CSMD1: variants seen among roughly 807,000 people sequenced by gnomAD.
The protein encoded by CSMD1 is CUB and sushi domain-containing protein 1.
A neutral mutation model predicts 417.5 loss-of-function variants in CSMD1; 213 were observed. The observed-to-expected ratio is 0.51, with a 90% CI of 0.46 to 0.57. The LOEUF is 0.57. CSMD1 is among the 20% of genes least tolerant of loss of function. The pLI, the probability that CSMD1 is intolerant of heterozygous loss-of-function variation, is 0.00. For synonymous variants in CSMD1, 2,862 were observed against 1,736.8 expected, an observed-to-expected ratio of 1.65 and a Z score of -16.11; for missense variants, 6,923 against 4,529.7, an observed-to-expected ratio of 1.53 and a Z score of -15.17.
chr8:4,271,587 G>C (rs1804599660), intron 3 of CSMD1, among the ~76,000 whole-genome samples: 3 of 150,818 alleles, frequency 2.0e-5, no homozygotes, highest in South Asian at 4.2e-4. Flanking sequence ...AAAAGGCAAA[G>C]AAAATCTCAG....
chr8:3,804,151 C>T (rs952438607), intron 5 of CSMD1, among the ~76,000 whole-genome samples: 1 of 151,956 alleles, frequency 6.6e-6, no homozygotes, highest in East Asian at 1.9e-4. Flanking sequence ...AGGCTGGTCT[C>T]GAACTCCCGA....
chr8:3,607,550 G>A (rs1801678962), intron 8 of CSMD1, among the ~76,000 whole-genome samples: 1 of 152,166 alleles, frequency 6.6e-6, no homozygotes, highest in African/African-American at 2.4e-5. Context: ...AAACATGTGA[G>A]GACTGCTCTG....
At chr8:3,578,411 G>A (rs1018356767) in intron 9 of CSMD1, among the ~76,000 whole-genome samples, 17 of 152,122 alleles carry the variant, frequency 1.1e-4, no homozygotes, top group African/African-American at 3.4e-4. Flanking sequence ...AGCAGCCTGC[G>A]AGGCAGGAAG....
At chr8:3,494,577 TAG>T (rs1563092069) in intron 10 of CSMD1, among the ~76,000 whole-genome samples, 2 of 149,574 alleles carry the variant, frequency 1.3e-5, no homozygotes, top group African/African-American at 5.1e-5. Flanking sequence ...GATAGATAGA[TAG>T]ATAGATAGAT....
intron 12 of CSMD1, among the ~76,000 whole-genome samples, chr8:3,423,533 TC>T (rs1355021395): frequency 6.6e-5 from 10 of 152,188 alleles, no homozygotes; most frequent in Non-Finnish European, 1.2e-4. Context: ...TGCTCAATGG[TC>T]CTCCACTGTG....
At chr8:3,322,636 G>A (rs1806226004) in intron 23 of CSMD1, among the ~76,000 whole-genome samples, 1 of 152,144 alleles carries the variant, frequency 6.6e-6, no homozygotes. Context: ...AAGTTGTAGG[G>A]ACGCCCCTGG....
intron 3 of CSMD1, among the ~76,000 whole-genome samples, chr8:4,286,664 C>A (rs1797072615): frequency 6.6e-6 from 1 of 152,182 alleles, no homozygotes; most frequent in Non-Finnish European, 1.5e-5. Context: ...GGATAGCAAT[C>A]ATACTGATTT....
chr8:3,857,537 A>G (rs1484556782), intron 5 of CSMD1, among the ~76,000 whole-genome samples: 6 of 152,166 alleles, frequency 3.9e-5, no homozygotes, highest in Non-Finnish European at 7.4e-5. Context: ...ATATTACTCC[A>G]CTGGAAATGG....
At chr8:4,244,933 C>A (rs963922866) in intron 3 of CSMD1, among the ~76,000 whole-genome samples, 2 of 152,108 alleles carry the variant, frequency 1.3e-5, no homozygotes, top group African/African-American at 2.4e-5. Flanking sequence ...TTTGTCATCA[C>A]CATTGCTTGA....
At chr8:4,242,720 C>CA (rs11425054) in intron 3 of CSMD1, among the ~76,000 whole-genome samples, 69,492 of 151,972 alleles carry the variant, frequency 0.46, 17,340 homozygotes, top group Non-Finnish European at 0.55. Flanking sequence ...CCACTCTGCC[C>CA]AGTTGAGTGG....
At chr8:3,332,386 G>A (rs1394780053) in intron 23 of CSMD1, among the ~76,000 whole-genome samples, 1 of 152,240 alleles carries the variant, frequency 6.6e-6, no homozygotes, top group Non-Finnish European at 1.5e-5. Flanking sequence ...ACATCTCTGA[G>A]TCTCTCCAGG....
chr8:3,972,985 T>C (rs1813188992), intron 5 of CSMD1, among the ~76,000 whole-genome samples: 1 of 152,224 alleles, frequency 6.6e-6, no homozygotes, highest in African/African-American at 2.4e-5. Flanking sequence ...TGGAAAAACA[T>C]TTACTGCTTA....
chr8:3,525,532 A>G (rs73503674), intron 10 of CSMD1, among the ~76,000 whole-genome samples: 1,711 of 152,276 alleles, frequency 0.011, 32 homozygotes, highest in African/African-American at 0.039. Flanking sequence ...TACTCTGAAA[A>G]TATTGGTGAA....
At chr8:4,427,208 C>T (rs1797609338) in intron 2 of CSMD1, among the ~76,000 whole-genome samples, 1 of 152,144 alleles carries the variant, frequency 6.6e-6, no homozygotes, top group Non-Finnish European at 1.5e-5. Context: ...TCTAACGATT[C>T]CTGAGCCCAA....
In CSMD1 at chr8:3,640,709, G is replaced by C. The variant is rs925124491; in HGVS notation, c.1010-23912C>G. Among the ~76,000 whole-genome samples, 20 of 152,288 alleles carry C rather than the reference G, an allele frequency of 1.3e-4. No individual in the cohort carries two copies. The East Asian group carries it at 3.1e-3, about 24-fold the overall frequency. On this transcript the variant is annotated intron_variant, in intron 7 of 69. Transcript: ENST00000635120. The stretch of plus-strand genomic sequence containing the variant: ...AAGGAGAGTGTGTGTCTATAAACCA[G>C]TTGTGTAGAAACCATGTTGTCCCTG...
chr8:3,853,625 T>C (rs1302469955), intron 5 of CSMD1, among the ~76,000 whole-genome samples: 1 of 151,994 alleles, frequency 6.6e-6, no homozygotes, highest in Non-Finnish European at 1.5e-5. Flanking sequence ...GGAGACCTTG[T>C]GCCCCTGTGA....
At chr8:3,623,392 T>C (rs1241147362) in intron 7 of CSMD1, among the ~76,000 whole-genome samples, 1 of 152,116 alleles carries the variant, frequency 6.6e-6, no homozygotes, top group East Asian at 1.9e-4. Context: ...TCAGGTGCCA[T>C]CATGAATAAA....
intron 10 of CSMD1, among the ~76,000 whole-genome samples, chr8:3,517,383 A>C (rs1026103014): frequency 6.6e-6 from 1 of 152,198 alleles, no homozygotes; most frequent in Non-Finnish European, 1.5e-5. Context: ...TGTTTTAAGG[A>C]AGCTGATAAA....
intron 1 of CSMD1, among the ~76,000 whole-genome samples, chr8:4,805,888 A>C (rs1014878290): frequency 3.9e-5 from 6 of 152,142 alleles, no homozygotes; most frequent in Admixed American, 2.6e-4. Context: ...GAACGTAACC[A>C]TTCATGGTGA....
Sources: allele counts gnomAD v4.1 joint callset (sites outside exome capture counted in the v4.1 genomes callset), GRCh38; gene constraint gnomAD v4.1.1; transcripts MANE v1.5; gene names NCBI Gene and HGNC (gene_info 2026-07-23, HGNC 2026-07-21).